The following PTGFRN variants were observed in gnomAD, a reference collection of about 807,000 sequenced individuals.
PTGFRN encodes prostaglandin F2 receptor inhibitor.
PTGFRN carries 35 observed loss-of-function variants against 83.2 expected under a neutral mutation model. The ratio of observed to expected loss-of-function variants is 0.42; its 90% CI spans 0.32 to 0.56. The LOEUF (loss-of-function observed/expected upper bound fraction) is 0.56. PTGFRN is among the 20% of genes least tolerant of loss of function. The pLI is 0.11. For synonymous variants in PTGFRN, 519 were observed against 498.6 expected (o/e 1.04, Z -0.55); for missense variants, 1,051 against 1,179.5 (o/e 0.89, Z 1.60).
intron 1 of PTGFRN, among the ~76,000 whole-genome samples, chr1:116,926,006 C>A (rs183216589): frequency 6.6e-6 from 1 of 152,178 alleles, no homozygotes; most frequent in Non-Finnish European, 1.5e-5. Context: ...CAGGGAAGCT[C>A]GGCATAGACC....
intron 4 of PTGFRN, among the ~76,000 whole-genome samples, chr1:116,959,566 A>G (rs1186362913): frequency 6.6e-6 from 1 of 152,250 alleles, no homozygotes; most frequent in Non-Finnish European, 1.5e-5. Flanking sequence ...AATGTTAAAT[A>G]AAACCAAACT....
chr1:116,957,151 C>CTGTGTG lies in PTGFRN; in HGVS notation c.1214-4072_1214-4067dup, dbSNP rs57827917. ...TTTCTCTCTCTCTCTCGCTGGCTCG[C>CTGTGTG]TGTGTGTGTGTGTGTGTGTGTGTGT... On this transcript the variant is annotated intron_variant, in intron 4 of 8. Transcript: ENST00000393203. 3.2e-3 allele frequency among the ~76,000 whole-genome samples: 475 copies of CTGTGTG among 146,908 alleles called. 4 individuals are homozygous for CTGTGTG. Among genetic ancestry groups the CTGTGTG allele is most frequent in the African/African-American group, 0.01 (417 of 39,870 alleles).
intron 6 of PTGFRN, 37 bp from the exon 7 acceptor site, chr1:116,974,179 A>T: frequency 6.8e-7 from 1 of 1,463,398 alleles, no homozygotes; most frequent in Non-Finnish European, 9.6e-7. Flanking sequence ...CAAAAGCATG[A>T]AAGAGAATAA....
intron 6 of PTGFRN, among the ~76,000 whole-genome samples, chr1:116,973,760 G>T (rs1651067620): frequency 6.6e-6 from 1 of 152,110 alleles, no homozygotes; most frequent in Non-Finnish European, 1.5e-5. Flanking sequence ...CTTGGTAACA[G>T]GGCCCCTTTC....
intron 1 of PTGFRN, among the ~76,000 whole-genome samples, chr1:116,916,645 G>T (rs941076863): frequency 2.0e-5 from 3 of 152,164 alleles, no homozygotes; most frequent in Non-Finnish European, 4.4e-5. Context: ...GTCATTTCCT[G>T]TGTGTGCTAT....
chr1:116,928,213 C>A (rs1001289731), intron 1 of PTGFRN, among the ~76,000 whole-genome samples: 2 of 152,188 alleles, frequency 1.3e-5, no homozygotes, highest in Non-Finnish European at 2.9e-5. Flanking sequence ...AATGGCCACA[C>A]CTGGGCCTTG....
chr1:116,916,185 T>C (rs1255809483), intron 1 of PTGFRN, among the ~76,000 whole-genome samples: 4 of 152,214 alleles, frequency 2.6e-5, no homozygotes, highest in African/African-American at 7.2e-5. Flanking sequence ...GGGACCTTAA[T>C]TGCATCCTGT....
chr1:116,912,550 C>T (rs2101048179), intron 1 of PTGFRN, among the ~76,000 whole-genome samples: 1 of 152,340 alleles, frequency 6.6e-6, no homozygotes, highest in African/African-American at 2.4e-5. Flanking sequence ...CAGCTTCTTT[C>T]TTTCCTTCCT....
At chr1:116,914,959 G>A (rs913802258) in intron 1 of PTGFRN, among the ~76,000 whole-genome samples, 5 of 151,960 alleles carry the variant, frequency 3.3e-5, no homozygotes, top group African/African-American at 1.2e-4. Context: ...CGTACATTCT[G>A]GTATTTATTC....
rs754416880 is a variant in PTGFRN at position 116,961,579 on chromosome 1, T to G, written c.1550T>G (p.Val517Gly). 1 of 1,614,244 alleles carries G rather than the reference T, an allele frequency of 6.2e-7. No homozygotes were observed. The highest frequency in any genetic ancestry group is 1.3e-5 in the African/African-American group (1 of 75,068). Reference sequence around the variant, plus strand: ...GACAGAGGCAATTATTACTGTGTTGTGTCTGCCTGGACCAAACAGCGGAAC... The same window carrying G: ...GACAGAGGCAATTATTACTGTGTTGGGTCTGCCTGGACCAAACAGCGGAAC... The part of the protein sequence containing the change: ...EEDRGNYYCV[V>G]SAWTKQRNNS... The change falls in exon 5 of 9, where the codon GTG (valine) becomes GGG (glycine). Residue 517 changes from valine to glycine, a missense_variant. Physicochemically the swap from Val to Gly is moderately radical, Grantham distance 109. Around this residue, in one of 3 missense-constraint regions of PTGFRN, gnomAD observed 719 missense variants for 836.6 expected, o/e 0.86. Coordinates refer to ENST00000393203, the MANE Select transcript of PTGFRN (RefSeq NM_020440.4). This position sits in a 1 kb window ranked among gnomAD's most constrained non-coding sequence, Gnocchi z 5.4.
At chr1:116,964,039 C>A (rs958952507) in intron 5 of PTGFRN, among the ~76,000 whole-genome samples, 1 of 151,772 alleles carries the variant, frequency 6.6e-6, no homozygotes, top group Non-Finnish European at 1.5e-5. Context: ...CTTAGTCGCC[C>A]GAAGTGCTAG....
chr1:116,985,707 CAAA>C (rs34050341), intron 8 of PTGFRN, among the ~76,000 whole-genome samples: 2 of 128,784 alleles, frequency 1.6e-5, no homozygotes, highest in African/African-American at 2.9e-5. Context: ...TACTCCATCT[CAAA>C]AAAAAAAAAA....
At position 116,984,984 on chromosome 1, in the gene PTGFRN, T is replaced by A. The variant is rs777683852; in HGVS notation, c.2472T>A (p.Asp824Glu). The change falls in exon 8 of 9, where the codon GAT becomes GAA. Residue 824 changes from aspartate (D) to glutamate (E), a missense_variant and splice_region_variant. Asp to Glu is a conservative substitution (Grantham distance 45, BLOSUM62 2). Transcript: ENST00000393203. ...SKPVFITVKM[D>E]VLNAFKYPLL... The stretch of plus-strand genomic sequence containing the variant: ...CCGTTTTTATAACTGTGAAGATGGA[T>A]GGTAAGAATGTCACCCAAATTTCTC... The A allele has an allele frequency of 6.2e-6, 10 of 1,610,992 alleles. No homozygotes were observed.
rs1245337978 is a variant in PTGFRN at position 116,944,848 on chromosome 1, C to G, written c.588C>G (p.Val196=). The G allele has an allele frequency of 1.3e-6, 2 of 1,597,306 alleles. No individual in the cohort carries two copies. Among genetic ancestry groups the G allele is most frequent in the East Asian group, 4.5e-5 (2 of 44,348 alleles). The change falls in exon 3 of 9, where the codon GTC becomes GTG. Residue 196 remains valine, a synonymous_variant. Transcript: ENST00000393203. ...ACCGCGGCCCGGCCAGGCGGAGCGT[C>G]CTCGCCCTGACCCACGAGGGCAGGT... is the stretch of plus-strand genomic sequence containing the variant. ...EVHRGPARRS[V]LALTHEGRFH...
At position 116,949,267 on chromosome 1, in the gene PTGFRN, C is replaced by G. The variant is rs1310406144; in HGVS notation, c.908C>G (p.Thr303Arg). ...CTGGACCTGACCTGTAACATCACAACAGACCGAGCCGATGACGTCCGGCCC... is the reference window on the plus strand; with the variant it reads ...CTGGACCTGACCTGTAACATCACAAGAGACCGAGCCGATGACGTCCGGCCC... ...KELDLTCNIT[T>R]DRADDVRPEV... Residue 303 changes from threonine (T) to arginine (R), a missense_variant, in exon 4 of 9, where the codon ACA becomes AGA. Transcript: ENST00000393203. 6.2e-7 allele frequency: 1 copy of G among 1,614,174 alleles called. No individual in the cohort carries two copies. Among genetic ancestry groups the G allele is most frequent in the South Asian group, 1.1e-5 (1 of 91,066 alleles).
chr1:116,915,383 G>C (rs1649380228), intron 1 of PTGFRN, among the ~76,000 whole-genome samples: 1 of 152,198 alleles, frequency 6.6e-6, no homozygotes, highest in Non-Finnish European at 1.5e-5. Context: ...GGAAAGCACT[G>C]AAGGAGGAGG....
chr1:116,944,251 C>G (rs896809532), intron 2 of PTGFRN, among the ~76,000 whole-genome samples: 11 of 152,176 alleles, frequency 7.2e-5, no homozygotes, highest in Non-Finnish European at 1.5e-4. Flanking sequence ...ACAGTCATAC[C>G]CAATGATTTA....
chr1:116,912,003 T>A (rs932584542), intron 1 of PTGFRN, among the ~76,000 whole-genome samples: 12 of 152,036 alleles, frequency 7.9e-5, no homozygotes, highest in Non-Finnish European at 1.5e-4. Flanking sequence ...TGTGAATAAC[T>A]CCCCCTAGAG....
chr1:116,978,460 G>A (rs893060620), intron 7 of PTGFRN, among the ~76,000 whole-genome samples: 11 of 152,288 alleles, frequency 7.2e-5, no homozygotes, highest in Middle Eastern at 3.4e-3. Flanking sequence ...GAACATCGAT[G>A]CAAAAATCCT....
Sources: gnomAD v4.1 joint callset for allele counts (sites outside exome capture counted in the v4.1 genomes callset) on GRCh38, gnomAD v4.1.1 for gene constraint, gnomAD v4.1.1 regional missense constraint, Gnocchi (gnomAD v3.1) non-coding constraint, MANE v1.5 for transcripts, NCBI Gene and HGNC (gene_info 2026-07-23, HGNC 2026-07-21) for gene names.